KAZN: variants seen among roughly 807,000 people sequenced by gnomAD.
KAZN encodes the protein kazrin.
In KAZN, 40 loss-of-function variants were observed where a neutral mutation model predicts 87.4. The observed-to-expected ratio is 0.46, with a 90% CI of 0.36 to 0.60. The LOEUF (loss-of-function observed/expected upper bound fraction) is 0.60, where lower values mean the gene tolerates loss of function less well. KAZN is among the 20% of genes least tolerant of loss of function. The pLI is 0.00. For missense variants in KAZN, 898 were observed against 1,073.9 expected (o/e 0.84, Z 2.29); for synonymous variants, 466 against 458.3 (o/e 1.02, Z -0.22).
intron 1 of KAZN, among the ~76,000 whole-genome samples, chr1:14,020,074 A>T (rs1254721309): frequency 6.6e-6 from 1 of 151,920 alleles, no homozygotes; most frequent in Non-Finnish European, 1.5e-5. Flanking sequence ...CAGGCATTAG[A>T]TTCTCATCAG....
At chr1:14,959,773 T>C (rs1663618922) in intron 1 of KAZN, among the ~76,000 whole-genome samples, 1 of 152,186 alleles carries the variant, frequency 6.6e-6, no homozygotes, top group South Asian at 2.1e-4. Context: ...GTTTTCACTA[T>C]TGCCCAGGTG....
At chr1:14,862,324 C>T (rs899631378) in intron 1 of KAZN, among the ~76,000 whole-genome samples, 8 of 152,060 alleles carry the variant, frequency 5.3e-5, no homozygotes, top group African/African-American at 1.2e-4. Context: ...GGAGGGGTTT[C>T]GGAGTGCCCA....
intron 2 of KAZN, among the ~76,000 whole-genome samples, chr1:14,283,696 A>G (rs756774582): frequency 1.8e-4 from 28 of 152,206 alleles, no homozygotes; most frequent in Non-Finnish European, 3.5e-4. Context: ...TGAAAGGTTA[A>G]ACACAAAGTC....
At chr1:14,896,997 G>A (rs1655347147) in intron 1 of KAZN, among the ~76,000 whole-genome samples, 1 of 152,054 alleles carries the variant, frequency 6.6e-6, no homozygotes, top group Non-Finnish European at 1.5e-5. Context: ...AAACACCCAA[G>A]CCCAGCTGGC....
At chr1:14,593,274 T>A (rs1676308574) in intron 2 of KAZN, among the ~76,000 whole-genome samples, 1 of 152,154 alleles carries the variant, frequency 6.6e-6, no homozygotes, top group Non-Finnish European at 1.5e-5. Flanking sequence ...GGATATGAAT[T>A]TGTAGGGGAC....
chr1:15,032,271 C>A (rs1671807683), intron 2 of KAZN, among the ~76,000 whole-genome samples: 1 of 144,456 alleles, frequency 6.9e-6, no homozygotes, highest in South Asian at 2.2e-4. Flanking sequence ...TGGCTCACTG[C>A]AAGCTCTGCC....
intron 2 of KAZN, among the ~76,000 whole-genome samples, chr1:14,439,097 A>G (rs1666558132): frequency 6.6e-6 from 1 of 152,198 alleles, no homozygotes. Flanking sequence ...TCCAATAAAT[A>G]TCACACACAC....
intron 1 of KAZN, among the ~76,000 whole-genome samples, chr1:14,133,700 A>G (rs1645046962): frequency 6.6e-6 from 1 of 152,140 alleles, no homozygotes; most frequent in South Asian, 2.1e-4. Flanking sequence ...GGGTTTGTTG[A>G]TGGTGACTTG....
At chr1:14,110,588 C>A (rs1570760513) in intron 1 of KAZN, among the ~76,000 whole-genome samples, 1 of 136,922 alleles carries the variant, frequency 7.3e-6, no homozygotes, top group East Asian at 2.8e-4. Context: ...GTTTTATTTG[C>A]ATGACTTGGA....
At chr1:14,242,555 C>G (rs988379034) in intron 2 of KAZN, among the ~76,000 whole-genome samples, 1 of 152,166 alleles carries the variant, frequency 6.6e-6, no homozygotes, top group African/African-American at 2.4e-5. Flanking sequence ...CAGACAAAGT[C>G]CCTGGCCTTA....
chr1:14,496,959 C>G (rs1669975394), intron 2 of KAZN, among the ~76,000 whole-genome samples: 1 of 152,098 alleles, frequency 6.6e-6, no homozygotes. Flanking sequence ...GATCTTAGAA[C>G]TTGACAACTG....
chr1:14,864,901 G>A (rs568059838), intron 1 of KAZN, among the ~76,000 whole-genome samples: 1 of 152,288 alleles, frequency 6.6e-6, no homozygotes, highest in Non-Finnish European at 1.5e-5. Context: ...GTTGTGAGAT[G>A]CAAACGAATT....
chr1:14,899,073 C>T (rs1655571880), intron 1 of KAZN, among the ~76,000 whole-genome samples: 1 of 152,188 alleles, frequency 6.6e-6, no homozygotes, highest in South Asian at 2.1e-4. Flanking sequence ...TTGACATGTT[C>T]CCTCTTGGAG....
intron 1 of KAZN, among the ~76,000 whole-genome samples, chr1:14,827,437 T>C (rs1572587066): frequency 6.6e-6 from 1 of 152,158 alleles, no homozygotes; most frequent in Non-Finnish European, 1.5e-5. Context: ...GTCCCCAAAG[T>C]CCATCATATC....
chr1:15,112,261 G>A (rs1641656512), intron 13 of KAZN, 166 bp from the exon 14 acceptor site: 2 of 629,096 alleles, frequency 3.2e-6, no homozygotes, highest in Non-Finnish European at 5.9e-6. Context: ...CGCTTATAAA[G>A]TGCTGAGCAC....
rs537512664 is a variant in KAZN at position 14,714,797 on chromosome 1, GTT to G, written c.226+115588_226+115589del. Among the ~76,000 whole-genome samples the G allele has an allele frequency of 8.9e-3, 1,068 of 120,534 alleles. 9 individuals carry two copies. Among genetic ancestry groups the G allele is most frequent in the Middle Eastern group, 0.047 (10 of 214 alleles). 79.1% of individuals were successfully genotyped at this position (120,534 alleles called of 152,430 possible). A position where few individuals can be genotyped will look rare whatever the true frequency, so the allele number is the denominator to read the frequency against. ...TCTTTTTTCTTTTTCTTTTTTTTTT[GTT>G]TTTTTTTTTTTTTGAGACAGGTTCT... is the stretch of plus-strand genomic sequence containing the variant. On this transcript the variant is annotated intron_variant, in intron 1 of 14. Transcript: ENST00000376030.
At chr1:13,984,767 T>G (rs1209854618) in intron 1 of KAZN, among the ~76,000 whole-genome samples, 1 of 152,182 alleles carries the variant, frequency 6.6e-6, no homozygotes, top group African/African-American at 2.4e-5. Context: ...CAATATATAT[T>G]TTTTTGGTAA....
intron 1 of KAZN, among the ~76,000 whole-genome samples, chr1:14,159,423 G>T (rs895538666): frequency 6.6e-6 from 1 of 152,284 alleles, no homozygotes; most frequent in South Asian, 2.1e-4. Flanking sequence ...CTAGACTACC[G>T]CTGATGTTCT....
At chr1:14,229,089 A>C (rs994795450) in intron 2 of KAZN, among the ~76,000 whole-genome samples, 2 of 152,236 alleles carry the variant, frequency 1.3e-5, no homozygotes, top group Non-Finnish European at 2.9e-5. Flanking sequence ...TTCATTTAGC[A>C]AGAAAATAGA....
Sources: allele counts gnomAD v4.1 joint callset (sites outside exome capture counted in the v4.1 genomes callset), GRCh38; gene constraint gnomAD v4.1.1; transcripts MANE v1.5; gene names NCBI Gene and HGNC (gene_info 2026-07-23, HGNC 2026-07-21).